LIMK2: variants seen among roughly 807,000 people sequenced by gnomAD.
The protein encoded by LIMK2 is LIM domain kinase 2.
Under a neutral mutation model 75.7 loss-of-function variants are expected in LIMK2, and 35 were observed. That is an observed-to-expected ratio of 0.46 (90% CI 0.35 to 0.61). The LOEUF (loss-of-function observed/expected upper bound fraction) is 0.61. Among genes scored for constraint, LIMK2 ranks in the 20% least tolerant of loss-of-function variants. LIMK2 has a pLI of 0.00. For missense variants in LIMK2, 623 were observed against 831.0 expected (o/e 0.75, Z 3.08); for synonymous variants, 301 against 319.2 (o/e 0.94, Z 0.61).
chr22:31,231,246 T>C (rs530284048), intron 2 of LIMK2, among the ~76,000 whole-genome samples: 1 of 152,192 alleles, frequency 6.6e-6, no homozygotes, highest in Non-Finnish European at 1.5e-5. Context: ...TGAAGGGTGT[T>C]AGTTTAAAGG....
intron 1 of LIMK2, among the ~76,000 whole-genome samples, chr22:31,223,069 A>G (rs1023273860): frequency 3.9e-5 from 6 of 152,170 alleles, no homozygotes; most frequent in Non-Finnish European, 7.3e-5. Context: ...TGCAGTGTGG[A>G]TGAGCCAGCT....
intron 2 of LIMK2, among the ~76,000 whole-genome samples, chr22:31,234,271 C>T (rs2048552611): frequency 6.7e-6 from 1 of 149,682 alleles, no homozygotes; most frequent in Admixed American, 6.7e-5. Flanking sequence ...CTCGGCCTCC[C>T]AAAGTGCTGG....
chr22:31,248,840 A>C (rs2048696669), intron 2 of LIMK2: 1 of 1,505,284 alleles, frequency 6.6e-7, no homozygotes, highest in Admixed American at 1.7e-5. Flanking sequence ...TGGTCTCCCT[A>C]AATCTCCTTC....
At chr22:31,272,781 C>G (rs1023842507) in intron 13 of LIMK2, 77 bp downstream of exon 13, 14 of 1,498,860 alleles carry the variant, frequency 9.3e-6, no homozygotes, top group Non-Finnish European at 1.2e-5. Context: ...CCTGGGAATT[C>G]CAGGGGAGGC....
intron 1 of LIMK2, among the ~76,000 whole-genome samples, chr22:31,223,010 G>A (rs1187499040): frequency 6.6e-6 from 1 of 152,230 alleles, no homozygotes. Context: ...GAGTAGCCCA[G>A]CCTTTGTTCC....
intron 10 of LIMK2, 46 bp from the exon 11 acceptor site, chr22:31,268,098 T>C: frequency 6.3e-7 from 1 of 1,595,980 alleles, no homozygotes; most frequent in Non-Finnish European, 8.6e-7. Flanking sequence ...GGACCACGAG[T>C]GGGACAGGGC....
intron 2 of LIMK2, among the ~76,000 whole-genome samples, chr22:31,243,842 G>A (rs2048643706): frequency 6.6e-6 from 1 of 152,232 alleles, no homozygotes; most frequent in Non-Finnish European, 1.5e-5. Context: ...TCATCTCCCA[G>A]TGATGGGTGG....
intron 2 of LIMK2, among the ~76,000 whole-genome samples, chr22:31,227,030 T>C (rs1247706906): frequency 6.6e-6 from 1 of 152,250 alleles, no homozygotes; most frequent in African/African-American, 2.4e-5. Flanking sequence ...GGTAATAATC[T>C]TGTTGAGATT....
At chr22:31,257,040 ATTTTTTTT>A (rs529919320) in intron 2 of LIMK2, among the ~76,000 whole-genome samples, 20,232 of 72,214 alleles carry the variant, frequency 0.28, 3,649 homozygotes, top group Non-Finnish European at 0.4. Flanking sequence ...GGAGCTATAG[ATTTTTTTT>A]TTTTTTTTTT....
intron 2 of LIMK2, among the ~76,000 whole-genome samples, chr22:31,228,305 G>A (rs2123779934): frequency 6.6e-6 from 1 of 152,224 alleles, no homozygotes; most frequent in East Asian, 1.9e-4. Flanking sequence ...TGTAATCCCA[G>A]CTACTTGGGA....
chr22:31,273,726 C>T (rs1301129205), intron 14 of LIMK2, among the ~76,000 whole-genome samples: 1 of 152,180 alleles, frequency 6.6e-6, no homozygotes, highest in East Asian at 1.9e-4. Context: ...TAGATGGAGC[C>T]TCACTTCGTT....
intron 2 of LIMK2, among the ~76,000 whole-genome samples, chr22:31,239,336 C>A (rs147588624): frequency 6.6e-6 from 1 of 152,286 alleles, no homozygotes; most frequent in Non-Finnish European, 1.5e-5. Context: ...CAGACTTGGT[C>A]TTTAGTGCTC....
chr22:31,228,586 A>T (rs566580811), intron 2 of LIMK2, among the ~76,000 whole-genome samples: 13 of 152,270 alleles, frequency 8.5e-5, no homozygotes, highest in African/African-American at 3.1e-4. Flanking sequence ...GTTAGGGAGG[A>T]TTAAATGTGA....
chr22:31,246,168 GACAC>G (rs1238224932), intron 2 of LIMK2, among the ~76,000 whole-genome samples: 1 of 84,930 alleles, frequency 1.2e-5, no homozygotes, highest in Admixed American at 1.1e-4. Flanking sequence ...GCGAGACTCC[GACAC>G]ACGCACGCAC....
intron 2 of LIMK2, among the ~76,000 whole-genome samples, chr22:31,256,377 G>C (rs1392442353): frequency 1.3e-5 from 2 of 151,326 alleles, no homozygotes; most frequent in African/African-American, 2.4e-5. Flanking sequence ...GTCTGACTCT[G>C]TCACCCAGGC....
chr22:31,255,976 GTCTTTTTT>G (rs2048774741), intron 2 of LIMK2, among the ~76,000 whole-genome samples: 1 of 55,064 alleles, frequency 1.8e-5, no homozygotes, highest in South Asian at 6.2e-4. Flanking sequence ...ACTATATTGG[GTCTTTTTT>G]TTTTTTTTTT....
intron 2 of LIMK2, among the ~76,000 whole-genome samples, chr22:31,235,599 T>C (rs753870250): frequency 2.0e-5 from 3 of 152,222 alleles, no homozygotes; most frequent in Non-Finnish European, 2.9e-5. Context: ...AAACTGATTA[T>C]GAATTGCCCT....
intron 1 of LIMK2, among the ~76,000 whole-genome samples, chr22:31,220,861 G>A (rs2048427647): frequency 6.6e-6 from 1 of 152,210 alleles, no homozygotes; most frequent in Non-Finnish European, 1.5e-5. Flanking sequence ...ATACTCGGGA[G>A]GCTGAGGCAG....
intron 2 of LIMK2, among the ~76,000 whole-genome samples, chr22:31,233,501 C>T (rs1340367008): frequency 6.6e-6 from 1 of 152,196 alleles, no homozygotes; most frequent in African/African-American, 2.4e-5. Flanking sequence ...GTGCTGTTTT[C>T]TCCTTAGGCA....
Sources: gnomAD v4.1 joint callset for allele counts (sites outside exome capture counted in the v4.1 genomes callset) on GRCh38, gnomAD v4.1.1 for gene constraint, MANE v1.5 for transcripts, NCBI Gene and HGNC (gene_info 2026-07-23, HGNC 2026-07-21) for gene names.